Variants in TPX2 observed in about 807,000 individuals in gnomAD.
TPX2 encodes targeting protein for Xklp2.
Under a neutral mutation model 93.6 loss-of-function variants are expected in TPX2, and 21 were observed. That is an observed-to-expected ratio of 0.22 (90% CI 0.16 to 0.32). The LOEUF is 0.32. Among genes scored for constraint, TPX2 ranks in the 10% least tolerant of loss-of-function variants. TPX2 has a pLI of 1.00. For missense variants in TPX2, 776 were observed against 871.1 expected (o/e 0.89, Z 1.37); for synonymous variants, 281 against 298.3 (o/e 0.94, Z 0.60).
chr20:31,797,366 T>G, intron 15 of TPX2, 38 bp from the exon 16 acceptor site: 3 of 1,593,058 alleles, frequency 1.9e-6, no homozygotes, highest in African/African-American at 1.3e-5. Context: ...CATAGAAAGG[T>G]GAGACATTGC....
rs2062009592 is a variant in TPX2, at chr20:31,777,652, C to T, written c.882+14C>T. On this transcript the variant is annotated intron_variant, in intron 9 of 17. Coordinates refer to ENST00000300403, the MANE Select transcript of TPX2 (RefSeq NM_012112.5). ...CCTTCATCTCCTGTAAGTTGATGGACTAAATGAACATTTCTGTTACTAATA... is the reference window on the plus strand; with the variant it reads ...CCTTCATCTCCTGTAAGTTGATGGATTAAATGAACATTTCTGTTACTAATA... The T allele has an allele frequency of 7.5e-6, 12 of 1,608,276 alleles. No homozygotes were observed. The highest frequency in any genetic ancestry group is 9.4e-6 in the Non-Finnish European group (11 of 1,175,778).
At chr20:31,762,762 G>T (rs1176546582) in intron 4 of TPX2, among the ~76,000 whole-genome samples, 1 of 151,990 alleles carries the variant, frequency 6.6e-6, no homozygotes, top group African/African-American at 2.4e-5. Context: ...TCATTTTTCT[G>T]CATTTAAATA....
intron 10 of TPX2, chr20:31,780,894 GTTATTTAT>G (rs138213787): frequency 4.5e-5 from 17 of 381,992 alleles, no homozygotes; most frequent in Non-Finnish European, 1.0e-5. Context: ...GTCTTCTTTT[GTTATTTAT>G]TTATTTATTT....
intron 2 of TPX2, among the ~76,000 whole-genome samples, chr20:31,749,977 T>C (rs1381065338): frequency 6.6e-6 from 1 of 152,008 alleles, no homozygotes. Flanking sequence ...CTTACTCTGT[T>C]GCCAGGCTGG....
At chr20:31,783,022 T>C (rs1177712057) in intron 11 of TPX2, among the ~76,000 whole-genome samples, 1 of 152,086 alleles carries the variant, frequency 6.6e-6, no homozygotes, top group Non-Finnish European at 1.5e-5. Flanking sequence ...GATCCCACCC[T>C]TTTGTGACTC....
At chr20:31,758,119 ATTTTTT>A (rs35354345) in intron 3 of TPX2, among the ~76,000 whole-genome samples, 2 of 115,270 alleles carry the variant, frequency 1.7e-5, no homozygotes, top group Non-Finnish European at 1.8e-5. Flanking sequence ...CCCTCAATTC[ATTTTTT>A]TTTTTTTTTT....
At chr20:31,770,293 A>G (rs926577607) in intron 5 of TPX2, 50 bp from the exon 6 acceptor site, 4 of 1,237,580 alleles carry the variant, frequency 3.2e-6, no homozygotes, top group Non-Finnish European at 4.2e-6. Flanking sequence ...ACATTTGGAT[A>G]TCTGTAGTAT....
chr20:31,769,124 GCAGCACAC>G (rs2061947438), intron 5 of TPX2, among the ~76,000 whole-genome samples: 1 of 151,790 alleles, frequency 6.6e-6, no homozygotes, highest in Non-Finnish European at 1.5e-5. Flanking sequence ...ATTTTTGGGT[GCAGCACAC>G]CAGCATGGCA....
intron 4 of TPX2, among the ~76,000 whole-genome samples, chr20:31,763,066 G>A (rs1483566877): frequency 1.3e-5 from 2 of 152,112 alleles, no homozygotes; most frequent in African/African-American, 2.4e-5. Context: ...TGCTGTTATG[G>A]TTACTATAGC....
rs35468756 is a variant in TPX2 at position 31,759,396 on chromosome 20, G to GTTTT, written c.107-642_107-639dup. Among the ~76,000 whole-genome samples the GTTTT allele has an allele frequency of 6.9e-4, 69 of 100,404 alleles. 1 individual carries two copies. The highest frequency in any genetic ancestry group is 1.9e-3 in the African/African-American group (44 of 22,578). 65.9% of individuals were successfully genotyped at this position (100,404 alleles called of 152,430 possible). On this transcript the variant is annotated intron_variant, in intron 3 of 17. Coordinates refer to ENST00000300403, the MANE Select transcript of TPX2 (RefSeq NM_012112.5). The stretch of plus-strand genomic sequence containing the variant: ...TTTTTGATGGTTACAGTTTTCTTTC[G>GTTTT]TTTTTTTTTTTTTTTTTTTTTTGAG...
chr20:31,766,822 G>C, intron 5 of TPX2, 140 bp downstream of exon 5: 1 of 861,682 alleles, frequency 1.2e-6, no homozygotes, highest in Non-Finnish European at 1.6e-6. Flanking sequence ...TTTTTGAGAC[G>C]GAGTGTTTCG....
chr20:31,766,251 T>C (rs1332318941), intron 4 of TPX2, among the ~76,000 whole-genome samples: 2 of 152,202 alleles, frequency 1.3e-5, no homozygotes, highest in Non-Finnish European at 2.9e-5. Flanking sequence ...TTCTTCTTTA[T>C]GGAAGCTTTC....
intron 12 of TPX2, among the ~76,000 whole-genome samples, chr20:31,787,676 T>C (rs1168627183): frequency 2.0e-5 from 3 of 152,070 alleles, no homozygotes; most frequent in Admixed American, 6.6e-5. Flanking sequence ...AGGCAAATGG[T>C]TGCATTCTTT....
At chr20:31,771,876 G>C (rs1477507487) in intron 7 of TPX2, among the ~76,000 whole-genome samples, 194 bp downstream of exon 7, 1 of 152,020 alleles carries the variant, frequency 6.6e-6, no homozygotes, top group African/African-American at 2.4e-5. Context: ...TTTAAAGACA[G>C]GGCCTCATTC....
intron 2 of TPX2, among the ~76,000 whole-genome samples, chr20:31,749,455 T>C (rs963492867): frequency 6.6e-6 from 1 of 152,176 alleles, no homozygotes; most frequent in African/African-American, 2.4e-5. Flanking sequence ...AGTTAATACA[T>C]GTAAGACACT....
intron 2 of TPX2, among the ~76,000 whole-genome samples, chr20:31,754,307 C>T (rs1003107706): frequency 1.3e-5 from 2 of 152,090 alleles, no homozygotes; most frequent in Admixed American, 1.3e-4. Flanking sequence ...TCTCGAATTC[C>T]TGACCTCAAG....
chr20:31,768,243 C>CT (rs1325581709), intron 5 of TPX2, among the ~76,000 whole-genome samples: 89 of 120,812 alleles, frequency 7.4e-4, no homozygotes, highest in Admixed American at 1.0e-3. Flanking sequence ...ACATGCCATC[C>CT]TTTTTTTTTT....
intron 9 of TPX2, among the ~76,000 whole-genome samples, 182 bp from the exon 10 acceptor site, chr20:31,778,631 T>A (rs972399319): frequency 6.6e-6 from 1 of 152,122 alleles, no homozygotes; most frequent in Non-Finnish European, 1.5e-5. Context: ...CTTCCATTTT[T>A]AATTTTTTTT....
Position 31,782,295 on chromosome 20 carries a change from A to G in TPX2, c.1101A>G (p.Pro367=), listed in dbSNP as rs2062038016. The G allele has an allele frequency of 6.2e-7, 1 of 1,613,596 alleles. No individual in the cohort carries two copies. The highest frequency in any genetic ancestry group is 1.3e-5 in the African/African-American group (1 of 74,904). ...CTGTGACCAAGATTTGCAGAGACCC[A>G]CAGACTCCTGTACTGCAAACCAAAC... ...KSSVTKICRD[P]QTPVLQTKHR... Residue 367 remains proline, a synonymous_variant, in exon 11 of 18, where the codon CCA becomes CCG. Transcript: ENST00000300403.
Sources: gnomAD v4.1 joint callset for allele counts (sites outside exome capture counted in the v4.1 genomes callset) on GRCh38, gnomAD v4.1.1 for gene constraint, MANE v1.5 for transcripts, NCBI Gene and HGNC (gene_info 2026-07-23, HGNC 2026-07-21) for gene names.